C3orf49: variants seen among roughly 807,000 people sequenced by gnomAD.
The protein encoded by C3orf49 is chromosome 3 open reading frame 49, also known as putative uncharacterized protein C3orf49.
A neutral mutation model predicts 13.3 loss-of-function variants in C3orf49; 27 were observed. The ratio of observed to expected loss-of-function variants is 2.02; its 90% CI spans 1.49 to 2.79. C3orf49 has a LOEUF of 2.79. Ranked by LOEUF, C3orf49 falls within the 30% of genes most tolerant of loss-of-function variation. The pLI, the probability that C3orf49 is intolerant of heterozygous loss-of-function variation, is 0.00. For synonymous variants in C3orf49, 87 were observed against 47.6 expected (o/e 1.83, Z -3.40); for missense variants, 242 against 134.2 (o/e 1.80, Z -3.97).
At chr3:63,821,882 G>A (rs1445546704) in intron 1 of C3orf49, among the ~76,000 whole-genome samples, 1 of 152,098 alleles carries the variant, frequency 6.6e-6, no homozygotes, top group African/African-American at 2.4e-5. Context: ...CTGTTTCAGT[G>A]TCAATATGCT....
chr3:63,793,838 T>A, the C3orf49 span, among the ~76,000 whole-genome samples: 1 of 152,096 alleles, frequency 6.6e-6, no homozygotes, highest in Non-Finnish European at 1.5e-5. Flanking sequence ...TCTTAGAATA[T>A]GCTTGGGACA....
At chr3:63,812,119 G>A in the C3orf49 span, among the ~76,000 whole-genome samples, 2 of 151,842 alleles carry the variant, frequency 1.3e-5, no homozygotes, top group Admixed American at 1.3e-4. Context: ...ATTTTTTTAT[G>A]AGGATCCTGA....
chr3:63,833,968 C>A (rs970751280), intron 5 of C3orf49: 2 of 628,264 alleles, frequency 3.2e-6, no homozygotes, highest in Non-Finnish European at 5.2e-6. Context: ...ATACTGAAGT[C>A]ATTTTCCTTT....
At position 63,823,851 on chromosome 3, in the gene C3orf49, A is replaced by G. The variant is rs1035974856; in HGVS notation, c.445+282A>G. The stretch of plus-strand genomic sequence containing the variant: ...AATCTCGCTCTATCACCCAGGCTGT[A>G]GTGCAGAGGCATGATCTCGGCTCAC... On this transcript the variant is annotated intron_variant, in intron 2 of 6. Coordinates refer to ENST00000295896, the MANE Select transcript of C3orf49 (RefSeq NM_001355236.2). 6.0e-5 allele frequency among the ~76,000 whole-genome samples: 9 copies of G among 149,466 alleles called. No individual in the cohort carries two copies. In the South Asian group the frequency reaches 1.9e-3, roughly 32 times the overall value.
chr3:63,843,638 C>A (rs960795804), intron 5 of C3orf49, among the ~76,000 whole-genome samples: 2 of 152,072 alleles, frequency 1.3e-5, no homozygotes, highest in African/African-American at 2.4e-5. Flanking sequence ...TGGTGGCTCA[C>A]GCCTGTAATC....
intron 2 of C3orf49, 108 bp from the exon 3 acceptor site, chr3:63,827,493 C>T: frequency 3.5e-6 from 2 of 565,438 alleles, no homozygotes; most frequent in Non-Finnish European, 6.3e-6. Context: ...AAAAAAAAGC[C>T]ACTGAAGCAG....
the C3orf49 span, among the ~76,000 whole-genome samples, chr3:63,801,152 G>T: frequency 6.6e-6 from 1 of 152,152 alleles, no homozygotes; most frequent in African/African-American, 2.4e-5. Flanking sequence ...AAAACCCTGA[G>T]CCTCATCAAG....
intron 2 of C3orf49, among the ~76,000 whole-genome samples, chr3:63,824,690 A>G (rs77552995): frequency 2.0e-5 from 3 of 152,088 alleles, no homozygotes; most frequent in African/African-American, 4.8e-5. Context: ...TACAAAAAAG[A>G]TTAGTCAGGC....
intron 5 of C3orf49, chr3:63,835,317 C>A: frequency 1.2e-6 from 2 of 1,613,282 alleles, no homozygotes; most frequent in Non-Finnish European, 8.5e-7. Context: ...AATATATATG[C>A]GAATACCTTA....
chr3:63,818,771 TCAC>T (rs1308902484), upstream of C3orf49, among the ~76,000 whole-genome samples: 2 of 152,176 alleles, frequency 1.3e-5, no homozygotes, highest in Non-Finnish European at 1.5e-5. Context: ...AATTCGCTCT[TCAC>T]CACGAAATAA....
intron 6 of C3orf49, chr3:63,846,237 A>G (rs764257098): frequency 2.8e-4 from 128 of 451,442 alleles, no homozygotes; most frequent in Admixed American, 4.1e-4. Flanking sequence ...GCAGTTAAAC[A>G]GTTTCCTTAT....
upstream of C3orf49, among the ~76,000 whole-genome samples, chr3:63,817,685 T>C (rs528034277): frequency 1.3e-5 from 2 of 152,282 alleles, no homozygotes; most frequent in East Asian, 3.9e-4. Flanking sequence ...CCACTCCTTC[T>C]AGTTCTGTCA....
At chr3:63,845,678 T>C (rs1701876826) in intron 6 of C3orf49, among the ~76,000 whole-genome samples, 1 of 152,198 alleles carries the variant, frequency 6.6e-6, no homozygotes. Flanking sequence ...AAAAAGAAAC[T>C]GAAATGTCAT....
intron 2 of C3orf49, among the ~76,000 whole-genome samples, chr3:63,826,196 A>G (rs1045045889): frequency 2.0e-5 from 3 of 152,206 alleles, no homozygotes; most frequent in Admixed American, 2.0e-4. Flanking sequence ...AAACCACTGG[A>G]TACTTTCAAG....
At chr3:63,808,951 G>A in the C3orf49 span, among the ~76,000 whole-genome samples, 1 of 151,984 alleles carries the variant, frequency 6.6e-6, no homozygotes, top group Admixed American at 6.6e-5. Flanking sequence ...TGAAGTACTG[G>A]AAAATTAATG....
At chr3:63,844,087 A>G (rs941519640) in intron 5 of C3orf49, among the ~76,000 whole-genome samples, 6 of 152,222 alleles carry the variant, frequency 3.9e-5, no homozygotes, top group Non-Finnish European at 7.3e-5. Flanking sequence ...GCTAGGTGAA[A>G]TAAGGCAGGC....
upstream of C3orf49, among the ~76,000 whole-genome samples, chr3:63,818,087 C>T (rs939265517): frequency 1.3e-5 from 2 of 152,152 alleles, no homozygotes; most frequent in Non-Finnish European, 2.9e-5. Context: ...TGCTCTACTT[C>T]AGCGTTTCTC....
the C3orf49 span, among the ~76,000 whole-genome samples, chr3:63,788,156 C>T: frequency 6.6e-6 from 1 of 152,192 alleles, no homozygotes; most frequent in East Asian, 1.9e-4. Context: ...CTATCAGTTA[C>T]TCTGACCCTG....
chr3:63,804,787 C>T, the C3orf49 span, among the ~76,000 whole-genome samples: 2 of 152,130 alleles, frequency 1.3e-5, no homozygotes, highest in African/African-American at 4.8e-5. Context: ...ATCAGTATGT[C>T]TCCCTATGAA....
Sources: allele counts gnomAD v4.1 joint callset (sites outside exome capture counted in the v4.1 genomes callset), GRCh38; gene constraint gnomAD v4.1.1; transcripts MANE v1.5; gene names NCBI Gene and HGNC (gene_info 2026-07-23, HGNC 2026-07-21).